The following DCDC1 variants were observed in gnomAD, a reference collection of about 807,000 sequenced individuals.
DCDC1 encodes the protein doublecortin domain-containing protein 1.
Under a neutral mutation model 178.3 loss-of-function variants are expected in DCDC1, and 200 were observed. The observed-to-expected ratio is 1.12, with a 90% CI of 1.00 to 1.26. DCDC1 has a LOEUF of 1.26. Among genes scored for constraint, DCDC1 ranks in the 50% most tolerant of loss-of-function variants. The pLI is 0.00. For missense variants in DCDC1, 1,983 were observed against 1,749.2 expected (o/e 1.13, Z -2.38); for synonymous variants, 690 against 604.8 (o/e 1.14, Z -2.07).
At chr11:31,135,963 T>A (rs1301442614) in intron 10 of DCDC1, among the ~76,000 whole-genome samples, 1 of 152,112 alleles carries the variant, frequency 6.6e-6, no homozygotes, top group African/African-American at 2.4e-5. Flanking sequence ...ATTGAAATTT[T>A]AATTTTGCAT....
chr11:31,230,715 A>C (rs1049807209), intron 9 of DCDC1, among the ~76,000 whole-genome samples: 1 of 152,224 alleles, frequency 6.6e-6, no homozygotes, highest in Admixed American at 6.5e-5. Context: ...TTACTTAGAA[A>C]ACTATGTACC....
chr11:30,866,064 G>A (rs777201611), intron 38 of DCDC1, among the ~76,000 whole-genome samples: 2 of 152,084 alleles, frequency 1.3e-5, no homozygotes, highest in Admixed American at 1.3e-4. Flanking sequence ...CTAGACTAGG[G>A]TGGGCCCCTA....
chr11:30,976,929 C>A (rs1432823573), intron 20 of DCDC1, among the ~76,000 whole-genome samples: 1 of 152,096 alleles, frequency 6.6e-6, no homozygotes, highest in African/African-American at 2.4e-5. Flanking sequence ...ATGGAATCAA[C>A]CTAAGCTTCC....
chr11:31,091,587 TAGTG>T (rs1310214623), intron 16 of DCDC1, 76 bp from the exon 17 acceptor site: 1 of 687,720 alleles, frequency 1.5e-6, no homozygotes, highest in Non-Finnish European at 2.7e-6. Context: ...GTGTCACAAA[TAGTG>T]AGGTCATTAT....
intron 3 of DCDC1, among the ~76,000 whole-genome samples, chr11:31,321,225 T>A (rs1359790431): frequency 4.6e-5 from 3 of 65,908 alleles, no homozygotes; most frequent in Non-Finnish European, 9.0e-5. Flanking sequence ...TAAGCAAGCC[T>A]GGGCAATGGC....
At chr11:30,967,958 T>C (rs1419579437) in intron 20 of DCDC1, among the ~76,000 whole-genome samples, 1 of 152,114 alleles carries the variant, frequency 6.6e-6, no homozygotes, top group African/African-American at 2.4e-5. Context: ...GGGAAAAGAA[T>C]GAATATTAGT....
At chr11:31,134,667 T>C (rs199868117) in intron 10 of DCDC1, among the ~76,000 whole-genome samples, 2 of 152,348 alleles carry the variant, frequency 1.3e-5, no homozygotes, top group East Asian at 1.9e-4. Context: ...TGCACTTTTA[T>C]ACTGATAATA....
intron 1 of DCDC1, among the ~76,000 whole-genome samples, chr11:31,365,123 G>C (rs1203788458): frequency 6.6e-6 from 1 of 152,138 alleles, no homozygotes; most frequent in Non-Finnish European, 1.5e-5. Context: ...GCTTTTGACA[G>C]GACTACAGTC....
chr11:31,179,056 C>T (rs898624624), intron 9 of DCDC1, among the ~76,000 whole-genome samples: 2 of 152,096 alleles, frequency 1.3e-5, no homozygotes, highest in Non-Finnish European at 2.9e-5. Flanking sequence ...ATAAAAACGG[C>T]TGACAGGTAT....
At chr11:31,357,692 T>C (rs1168045131) in intron 1 of DCDC1, among the ~76,000 whole-genome samples, 12 of 152,060 alleles carry the variant, frequency 7.9e-5, no homozygotes, top group East Asian at 1.9e-4. Flanking sequence ...GAAAACCCCA[T>C]TGTCTCAGCC....
chr11:31,235,653 T>C (rs1202274961), intron 9 of DCDC1, among the ~76,000 whole-genome samples: 1 of 152,024 alleles, frequency 6.6e-6, no homozygotes, highest in Non-Finnish European at 1.5e-5. Context: ...TTTAATATGT[T>C]GATAAAGATG....
intron 20 of DCDC1, among the ~76,000 whole-genome samples, chr11:31,060,641 T>C (rs571827316): frequency 6.6e-6 from 1 of 152,154 alleles, no homozygotes; most frequent in Non-Finnish European, 1.5e-5. Context: ...GTATCAAGTG[T>C]CTACATTTAA....
chr11:31,194,647 A>G (rs1003585255), intron 9 of DCDC1, among the ~76,000 whole-genome samples: 101 of 152,150 alleles, frequency 6.6e-4, no homozygotes, highest in African/African-American at 2.4e-3. Flanking sequence ...ATTTCGTCTA[A>G]TGCATGAACC....
chr11:31,331,968 T>A (rs1950016184), intron 2 of DCDC1, among the ~76,000 whole-genome samples: 2 of 152,188 alleles, frequency 1.3e-5, no homozygotes, highest in Non-Finnish European at 2.9e-5. Context: ...CAGCTCCTCC[T>A]TGTACCTCTG....
chr11:31,003,410 C>A (rs1441329857), intron 20 of DCDC1, among the ~76,000 whole-genome samples: 1 of 151,988 alleles, frequency 6.6e-6, no homozygotes, highest in Non-Finnish European at 1.5e-5. Context: ...ACCTGAGTAC[C>A]ACAAAGATAG....
At chr11:31,150,405 ATCAAGTC>A (rs1442135494) in intron 9 of DCDC1, among the ~76,000 whole-genome samples, 3 of 152,234 alleles carry the variant, frequency 2.0e-5, no homozygotes, top group Non-Finnish European at 2.9e-5. Context: ...TAAATGAAAA[ATCAAGTC>A]TCAAAAAGTA....
rs1263168462 is a variant in DCDC1 at position 30,915,646 on chromosome 11, T to A, written c.3518A>T (p.Gln1173Leu). 1 of 1,613,992 alleles carries A rather than the reference T, an allele frequency of 6.2e-7. No individual in the cohort carries two copies. Among genetic ancestry groups the A allele is most frequent in the Admixed American group, 1.7e-5 (1 of 60,022 alleles). The change falls in exon 27 of 39, where the codon CAG (glutamine) becomes CTG (leucine). Residue 1173 changes from glutamine to leucine, a missense_variant. Transcript: ENST00000684477. ...CTGAGGAGCAGCATGGCTTATAATC[T>A]GCCCATCTCTGTATTCGAACTGCTG... ...CHQQFEYRDG[Q>L]IISHAAPQLV...
chr11:31,075,362 T>A (rs1377889574), intron 18 of DCDC1, among the ~76,000 whole-genome samples: 1 of 152,226 alleles, frequency 6.6e-6, no homozygotes, highest in Non-Finnish European at 1.5e-5. Flanking sequence ...TATGAGTGCA[T>A]GTACCTTTTT....
chr11:30,893,740 C>G (rs779391920), intron 35 of DCDC1, among the ~76,000 whole-genome samples: 6 of 152,140 alleles, frequency 3.9e-5, no homozygotes, highest in African/African-American at 1.4e-4. Flanking sequence ...TTTCCCTGGT[C>G]TCTCTCCCCG....
Sources: allele counts gnomAD v4.1 joint callset (sites outside exome capture counted in the v4.1 genomes callset), GRCh38; gene constraint gnomAD v4.1.1; transcripts MANE v1.5; gene names NCBI Gene and HGNC (gene_info 2026-07-23, HGNC 2026-07-21).